CSMD1: variants seen among roughly 807,000 people sequenced by gnomAD.
CSMD1 encodes the protein CUB and sushi domain-containing protein 1.
CSMD1 carries 213 observed loss-of-function variants against 417.5 expected under a neutral mutation model. The ratio of observed to expected loss-of-function variants is 0.51; its 90% CI spans 0.46 to 0.57. The LOEUF is 0.57. Ranked by LOEUF, CSMD1 falls within the 20% of genes least tolerant of loss-of-function variation. The probability of loss-of-function intolerance (pLI) is 0.00; values close to 1 mark genes in which losing one functional copy is unlikely to be tolerated. For missense variants in CSMD1, 6,923 were observed against 4,529.7 expected (o/e 1.53, Z -15.17); for synonymous variants, 2,862 against 1,736.8 (o/e 1.65, Z -16.11).
chr8:4,068,204 C>G (rs1360973267), intron 3 of CSMD1, among the ~76,000 whole-genome samples: 1 of 152,186 alleles, frequency 6.6e-6, no homozygotes, highest in Non-Finnish European at 1.5e-5. Flanking sequence ...GCAGAAAAAT[C>G]TTCCGTGCAG....
chr8:4,583,978 C>G (rs1363879103), intron 2 of CSMD1, among the ~76,000 whole-genome samples: 1 of 151,970 alleles, frequency 6.6e-6, no homozygotes. Context: ...GCCAACGAGA[C>G]CACAAGCCCA....
intron 49 of CSMD1, 31 bp from the exon 50 acceptor site, chr8:3,052,678 T>C (rs1439586611): frequency 2.1e-6 from 3 of 1,458,666 alleles, no homozygotes; most frequent in Admixed American, 5.0e-5. Context: ...TGTAGGCTTA[T>C]TCTTACAGAA....
chr8:4,585,444 G>A (rs974083601), intron 2 of CSMD1, among the ~76,000 whole-genome samples: 10 of 152,192 alleles, frequency 6.6e-5, no homozygotes, highest in African/African-American at 9.6e-5. Flanking sequence ...TGGAATATGG[G>A]CAAAATAATA....
intron 1 of CSMD1, among the ~76,000 whole-genome samples, chr8:4,842,754 C>T (rs145131833): frequency 2.7e-3 from 405 of 152,280 alleles, no homozygotes; most frequent in Non-Finnish European, 4.1e-3. Context: ...ATTATGCTAG[C>T]ATTGAAAAGC....
chr8:3,942,442 C>A (rs1379421199), intron 5 of CSMD1, among the ~76,000 whole-genome samples: 1 of 152,082 alleles, frequency 6.6e-6, no homozygotes, highest in African/African-American at 2.4e-5. Context: ...ACCTGAACCA[C>A]ACCACACCTG....
chr8:3,934,940 T>C (rs1344045374), intron 5 of CSMD1, among the ~76,000 whole-genome samples: 1 of 152,120 alleles, frequency 6.6e-6, no homozygotes, highest in Non-Finnish European at 1.5e-5. Flanking sequence ...AGAGGGCATA[T>C]AAAAGTAATA....
chr8:3,825,055 G>A (rs979103954), intron 5 of CSMD1, among the ~76,000 whole-genome samples: 2 of 152,196 alleles, frequency 1.3e-5, no homozygotes, highest in African/African-American at 2.4e-5. Context: ...AGACTTCGCT[G>A]TGATGAGGGC....
rs1042957006 is a variant in CSMD1 at position 3,107,572 on chromosome 8, T to C, written c.6835+146A>G. 7.3e-5 allele frequency: 40 copies of C among 545,240 alleles called. No homozygotes were observed. In the Admixed American group the frequency reaches 1.6e-3, roughly 22 times the overall value. The allele number at this position is 545,240 out of a possible 1,614,324, so 33.8% of individuals were successfully genotyped here. On this transcript the variant is annotated intron_variant, in intron 45 of 69. Transcript: ENST00000635120. Reference sequence around the variant, plus strand: ...TGACCTCCGTATAAGTTCTCAGCAATACTTTAAGGATAGTTTGTTCTTTGT... The same window carrying C: ...TGACCTCCGTATAAGTTCTCAGCAACACTTTAAGGATAGTTTGTTCTTTGT...
At chr8:3,685,835 G>A (rs1047161487) in intron 7 of CSMD1, among the ~76,000 whole-genome samples, 6 of 151,934 alleles carry the variant, frequency 3.9e-5, no homozygotes, top group South Asian at 2.1e-4. Context: ...ACAGGCATGC[G>A]ACGTAAAATA....
Position 3,856,192 on chromosome 8 carries a change from C to G in CSMD1, c.819-102150G>C, listed in dbSNP as rs557572619. ...ATGGTTTAGCACCATCCTCCCAGTG[C>G]TGTTCTCATGATAGAGTTCTCATAA... On this transcript the variant is annotated intron_variant, in intron 5 of 69. Coordinates refer to ENST00000635120, the MANE Select transcript of CSMD1 (RefSeq NM_033225.6). 2.2e-4 allele frequency among the ~76,000 whole-genome samples: 33 copies of G among 152,124 alleles called. No individual in the cohort carries two copies. In the South Asian group the frequency reaches 6.6e-3, roughly 31 times the overall value.
chr8:4,564,186 T>G (rs1487957662), intron 2 of CSMD1, among the ~76,000 whole-genome samples: 1 of 152,212 alleles, frequency 6.6e-6, no homozygotes, highest in East Asian at 1.9e-4. Context: ...TGTTGAGCTT[T>G]CAAATATTTT....
intron 5 of CSMD1, among the ~76,000 whole-genome samples, chr8:3,988,572 T>G (rs950781124): frequency 3.7e-4 from 57 of 152,296 alleles, no homozygotes; most frequent in African/African-American, 1.4e-3. Flanking sequence ...ACGGTCTGCA[T>G]TTTGAAAAGA....
intron 3 of CSMD1, among the ~76,000 whole-genome samples, chr8:4,336,066 A>G (rs942995773): frequency 6.6e-6 from 1 of 152,142 alleles, no homozygotes; most frequent in African/African-American, 2.4e-5. Context: ...ATAATGATTA[A>G]GTTCCACAAG....
At chr8:3,007,525 T>C (rs1585137383) in intron 52 of CSMD1, among the ~76,000 whole-genome samples, 2 of 151,642 alleles carry the variant, frequency 1.3e-5, no homozygotes, top group African/African-American at 4.9e-5. Context: ...GCAACCCAAA[T>C]GTCCAACGAT....
chr8:4,330,897 T>G (rs1336566454), intron 3 of CSMD1, among the ~76,000 whole-genome samples: 1 of 152,130 alleles, frequency 6.6e-6, no homozygotes, highest in Non-Finnish European at 1.5e-5. Context: ...GAAAGCTTCA[T>G]TATGTATGCC....
chr8:4,458,294 T>C (rs1799606990), intron 2 of CSMD1, among the ~76,000 whole-genome samples: 1 of 151,960 alleles, frequency 6.6e-6, no homozygotes, highest in Admixed American at 6.5e-5. Context: ...AATATCTTTC[T>C]CCCTCTTTTT....
At position 3,718,570 on chromosome 8, in the gene CSMD1, C is replaced by A. The variant is rs987495834; in HGVS notation, c.932-10079G>T. 4.6e-5 allele frequency among the ~76,000 whole-genome samples: 7 copies of A among 152,158 alleles called. No homozygotes were observed. The East Asian group carries it at 1.2e-3, about 25-fold the overall frequency. On this transcript the variant is annotated intron_variant, in intron 6 of 69. Coordinates refer to ENST00000635120, the MANE Select transcript of CSMD1 (RefSeq NM_033225.6). ...CTTTTAATTTAATGTCGCTTAATAG[C>A]AGCACTAAATTAAAAGATAAATGTC... is the stretch of plus-strand genomic sequence containing the variant.
intron 3 of CSMD1, among the ~76,000 whole-genome samples, chr8:4,173,015 C>T (rs536416770): frequency 6.6e-6 from 1 of 152,138 alleles, no homozygotes; most frequent in African/African-American, 2.4e-5. Flanking sequence ...ATAATAAATG[C>T]TTGGTATTTT....
chr8:3,353,535 A>G (rs1410963014), intron 21 of CSMD1, among the ~76,000 whole-genome samples: 3 of 152,226 alleles, frequency 2.0e-5, no homozygotes, highest in Non-Finnish European at 2.9e-5. Context: ...AAACTGCGAG[A>G]GCGCTCCAGA....
Sources: gnomAD v4.1 joint callset for allele counts (sites outside exome capture counted in the v4.1 genomes callset) on GRCh38, gnomAD v4.1.1 for gene constraint, MANE v1.5 for transcripts, NCBI Gene and HGNC (gene_info 2026-07-23, HGNC 2026-07-21) for gene names.